CA12: variants seen among roughly 807,000 people sequenced by gnomAD.
CA12 encodes carbonate dehydratase XII.
A neutral mutation model predicts 46.8 loss-of-function variants in CA12; 36 were observed. The observed-to-expected ratio is 0.77, with a 90% CI of 0.59 to 1.02. The LOEUF (loss-of-function observed/expected upper bound fraction) is 1.02, where lower values mean the gene tolerates loss of function less well. Ranked by LOEUF, CA12 falls within the 50% of genes least tolerant of loss-of-function variation. The pLI is 0.00. For synonymous variants in CA12, 202 were observed against 187.0 expected (o/e 1.08, Z -0.65); for missense variants, 436 against 451.4 (o/e 0.97, Z 0.31).
Position 63,348,009 on chromosome 15 carries a change from G to C in CA12, c.107-1300C>G, listed in dbSNP as rs1411448916. Among the ~76,000 whole-genome samples the C allele has an allele frequency of 6.6e-6, 1 of 152,192 alleles. No individual in the cohort carries two copies. The highest frequency in any genetic ancestry group is 6.5e-5 in the Admixed American group (1 of 15,284). On this transcript the variant is annotated intron_variant, in intron 2 of 10. Coordinates refer to ENST00000178638, the MANE Select transcript of CA12 (RefSeq NM_001218.5). This position sits in a 1 kb window ranked among gnomAD's most constrained non-coding sequence, Gnocchi z 4.6. ...CCCCCTACATCGTGCTCTCTAACTA[G>C]GGGACCGTATCTGAGAGTGGGAAGA...
chr15:63,336,148 G>A (rs1333153472), intron 8 of CA12, among the ~76,000 whole-genome samples: 3 of 152,190 alleles, frequency 2.0e-5, no homozygotes, highest in Non-Finnish European at 4.4e-5. Context: ...CAGTGGCAAC[G>A]CTGCATTTGG....
Position 63,340,979 on chromosome 15 carries a change from C to T in CA12, c.526-196G>A, listed in dbSNP as rs981738105. Among the ~76,000 whole-genome samples the T allele has an allele frequency of 7.2e-5, 11 of 152,170 alleles. No individual in the cohort carries two copies. Among genetic ancestry groups the T allele is most frequent in the African/African-American group, 2.2e-4 (9 of 41,436 alleles). On this transcript the variant is annotated intron_variant, in intron 5 of 10. Transcript: ENST00000178638. The surrounding 1 kb of genome is among the most constrained non-coding windows in gnomAD (Gnocchi z 4.4). ...TGGTCCTGCCTCTTGCATCTCAGGA[C>T]GTCCTGTTTTCAGCTTAAGGAGTTG...
intron 8 of CA12, among the ~76,000 whole-genome samples, chr15:63,333,936 GGGCT>G (rs2038966531): frequency 6.6e-6 from 1 of 152,176 alleles, no homozygotes. Context: ...GTTGAGCACA[GGGCT>G]AGATGGTGTT....
chr15:63,348,656 C>T lies in CA12; in HGVS notation c.107-1947G>A, dbSNP rs1382496094. On this transcript the variant is annotated intron_variant, in intron 2 of 10. Coordinates refer to ENST00000178638, the MANE Select transcript of CA12 (RefSeq NM_001218.5). The surrounding 1 kb of genome is among the most constrained non-coding windows in gnomAD (Gnocchi z 4.6). ...GCATCATTGAGAAGCTTTCTCTTTG[C>T]ACACATGACTAAAGGGAACTGGATT... 1.3e-5 allele frequency among the ~76,000 whole-genome samples: 2 copies of T among 152,214 alleles called. No homozygotes were observed. Among genetic ancestry groups the T allele is most frequent in the East Asian group, 1.9e-4 (1 of 5,198 alleles).
At chr15:63,344,119 G>A (rs1245995654) in intron 4 of CA12, among the ~76,000 whole-genome samples, 3 of 152,190 alleles carry the variant, frequency 2.0e-5, no homozygotes, top group African/African-American at 2.4e-5. Flanking sequence ...CTCTGCCCAT[G>A]TCTGTTTTAT....
At chr15:63,359,607 A>G (rs960437223) in intron 2 of CA12, among the ~76,000 whole-genome samples, 1 of 152,208 alleles carries the variant, frequency 6.6e-6, no homozygotes, top group Non-Finnish European at 1.5e-5. Context: ...ATCGAGGGAC[A>G]TTCTCTAAGA....
intron 2 of CA12, among the ~76,000 whole-genome samples, chr15:63,369,608 A>G (rs1238876366): frequency 6.6e-6 from 1 of 152,212 alleles, no homozygotes; most frequent in Non-Finnish European, 1.5e-5. Context: ...CATTTGGCTT[A>G]GGTGATGCTA....
rs1704154861 is a variant in CA12 at position 63,348,385 on chromosome 15, CTG to C, written c.107-1678_107-1677del. Among the ~76,000 whole-genome samples the C allele has an allele frequency of 6.6e-6, 1 of 152,184 alleles. No homozygotes were observed. The highest frequency in any genetic ancestry group is 2.1e-4 in the South Asian group (1 of 4,828). The stretch of plus-strand genomic sequence containing the variant: ...TCAAAGCAGGCACTCCAGGGCCAAA[CTG>C]GAGTAAGACAATTATTCAGCTGGGG... On this transcript the variant is annotated intron_variant, in intron 2 of 10. Coordinates refer to ENST00000178638, the MANE Select transcript of CA12 (RefSeq NM_001218.5). The surrounding 1 kb of genome is among the most constrained non-coding windows in gnomAD (Gnocchi z 4.6).
chr15:63,380,735 TA>T (rs2039633772), intron 1 of CA12, among the ~76,000 whole-genome samples: 2 of 152,186 alleles, frequency 1.3e-5, no homozygotes, highest in Non-Finnish European at 2.9e-5. Context: ...TCAGAGCTTT[TA>T]TGCTGCTGAG....
At chr15:63,362,484 T>C (rs985620376) in intron 2 of CA12, among the ~76,000 whole-genome samples, 31 of 152,152 alleles carry the variant, frequency 2.0e-4, no homozygotes, top group African/African-American at 2.4e-5. Flanking sequence ...TGGTGAGACG[T>C]GACCAGCAGA....
At position 63,321,442 on chromosome 15, in the gene CA12, G is replaced by T. The variant is rs2038789335; in HGVS notation, c.*4843C>A. On this transcript the variant is annotated 3_prime_UTR_variant, in exon 11 of 11. Transcript: ENST00000178638. This position sits in a 1 kb window ranked among gnomAD's most constrained non-coding sequence, Gnocchi z 4.5. ...GCAAAGTAATCTGGCCCTTATCTCT[G>T]CCCAGTCATTCTATAATGAAGAGGC... 1 of 152,242 alleles carries T rather than the reference G, an allele frequency of 6.6e-6. No homozygotes were observed. The highest frequency in any genetic ancestry group is 2.4e-5 in the African/African-American group (1 of 41,458). The allele number at this position is 152,242 out of a possible 1,614,324, so 9.4% of individuals were successfully genotyped here. A position where few individuals can be genotyped will look rare whatever the true frequency, so the allele number is the denominator to read the frequency against.
rs534930999 is a variant in CA12 at position 63,374,875 on chromosome 15, G to A, written c.106+783C>T. ...CCACCCTTCTGCTACCAAAACAATC[G>A]ATCTTGTGCATCTTCTGTGGCTGTG... On this transcript the variant is annotated intron_variant, in intron 2 of 10. Transcript: ENST00000178638. The surrounding 1 kb of genome is among the most constrained non-coding windows in gnomAD (Gnocchi z 4.4). Among the ~76,000 whole-genome samples, 137 of 152,250 alleles carry A rather than the reference G, an allele frequency of 9.0e-4. No homozygotes were observed. Among genetic ancestry groups the A allele is most frequent in the Middle Eastern group, 3.4e-3 (1 of 294 alleles).
At chr15:63,380,891 C>T (rs2039635724) in intron 1 of CA12, among the ~76,000 whole-genome samples, 2 of 152,338 alleles carry the variant, frequency 1.3e-5, no homozygotes, top group Middle Eastern at 6.8e-3. Flanking sequence ...ACTGGCCCGG[C>T]GTGAGCCCAC....
intron 1 of CA12, among the ~76,000 whole-genome samples, chr15:63,377,879 T>C (rs1211794613): frequency 3.3e-5 from 5 of 152,220 alleles, no homozygotes; most frequent in Non-Finnish European, 7.3e-5. Flanking sequence ...TCTCCTCCTT[T>C]TGTAGGTGAG....
At chr15:63,369,800 C>T (rs1474636758) in intron 2 of CA12, among the ~76,000 whole-genome samples, 1 of 152,210 alleles carries the variant, frequency 6.6e-6, no homozygotes, top group East Asian at 1.9e-4. Flanking sequence ...AAAGTTTCCG[C>T]TTCTTCCTCC....
chr15:63,336,961 G>C (rs910000511), intron 8 of CA12, among the ~76,000 whole-genome samples: 1 of 152,288 alleles, frequency 6.6e-6, no homozygotes, highest in East Asian at 1.9e-4. Flanking sequence ...GGTTTTAAGA[G>C]TTGAAGTAGT....
chr15:63,346,451 T>A, intron 3 of CA12, 79 bp downstream of exon 3: 4 of 817,720 alleles, frequency 4.9e-6, no homozygotes, highest in Admixed American at 2.2e-5. Flanking sequence ...AACACCTCCC[T>A]GCCAGATGGA....
rs2039540368 is a variant in CA12 at position 63,374,026 on chromosome 15, A to G, written c.106+1632T>C. ...ACGGAACGGGGTTTCTCCACAGGCCAAACACCTTCCTGCCTCCCTCCATCC... is the reference window on the plus strand; with the variant it reads ...ACGGAACGGGGTTTCTCCACAGGCCGAACACCTTCCTGCCTCCCTCCATCC... On this transcript the variant is annotated intron_variant, in intron 2 of 10. Transcript: ENST00000178638. The surrounding 1 kb of genome is among the most constrained non-coding windows in gnomAD (Gnocchi z 4.4). Among the ~76,000 whole-genome samples the G allele has an allele frequency of 6.6e-6, 1 of 152,084 alleles. No individual in the cohort carries two copies. The highest frequency in any genetic ancestry group is 2.1e-4 in the South Asian group (1 of 4,816).
At chr15:63,361,110 C>A (rs540302919) in intron 2 of CA12, among the ~76,000 whole-genome samples, 1 of 152,118 alleles carries the variant, frequency 6.6e-6, no homozygotes, top group Non-Finnish European at 1.5e-5. Flanking sequence ...TGGGGCAGGC[C>A]GTCTCTGGGC....
Sources: allele counts gnomAD v4.1 joint callset (sites outside exome capture counted in the v4.1 genomes callset), GRCh38; gene constraint gnomAD v4.1.1; non-coding constraint Gnocchi (gnomAD v3.1); transcripts MANE v1.5; gene names NCBI Gene and HGNC (gene_info 2026-07-23, HGNC 2026-07-21).